Variants in DET1 observed in about 807,000 individuals in gnomAD.
DET1 encodes the protein DET1 homolog.
DET1 carries 22 observed loss-of-function variants against 43.7 expected under a neutral mutation model. The ratio of observed to expected loss-of-function variants is 0.50; its 90% CI spans 0.36 to 0.72. The LOEUF is 0.72. DET1 is among the 30% of genes least tolerant of loss of function. The probability of loss-of-function intolerance (pLI) is 0.00; values close to 1 mark genes in which losing one functional copy is unlikely to be tolerated. For missense variants in DET1, 713 were observed against 713.3 expected, an observed-to-expected ratio of 1.00 and a Z score of 0.00; for synonymous variants, 315 against 266.2, an observed-to-expected ratio of 1.18 and a Z score of -1.79.
At chr15:88,523,632 G>T (rs564981204) in intron 3 of DET1, among the ~76,000 whole-genome samples, 1 of 152,322 alleles carries the variant, frequency 6.6e-6, no homozygotes, top group African/African-American at 2.4e-5. Flanking sequence ...GCAGAGACGG[G>T]GTTTTGCTGT....
Position 88,530,714 on chromosome 15 carries a change from A to G in DET1, c.992T>C (p.Met331Thr). Reference protein sequence around the residue: ...QYFDQLRQLRMWKMQLLDENH... With the variant: ...QYFDQLRQLRTWKMQLLDENH... ...TTCATCCAGAAGCTGCATTTTCCAC[A>G]TTCGCAGCTGCCGCAGTTGGTCAAA... The change falls in exon 2 of 5, where the codon ATG (methionine) becomes ACG (threonine). Residue 331 changes from methionine to threonine, a missense_variant. Coordinates refer to ENST00000268148, the MANE Select transcript of DET1 (RefSeq NM_001144074.3). The G allele has an allele frequency of 6.2e-7, 1 of 1,614,008 alleles. No homozygotes were observed. The highest frequency in any genetic ancestry group is 8.5e-7 in the Non-Finnish European group (1 of 1,179,880).
At chr15:88,530,482 G>T in intron 2 of DET1, 141 bp downstream of exon 2, 1 of 1,389,416 alleles carries the variant, frequency 7.2e-7, no homozygotes, top group Non-Finnish European at 9.5e-7. Context: ...AAATGGAGCT[G>T]ATTTTAAGTT....
chr15:88,517,287 G>A (rs2056372525), intron 3 of DET1, among the ~76,000 whole-genome samples: 1 of 145,552 alleles, frequency 6.9e-6, no homozygotes. Flanking sequence ...GTACAGTGGT[G>A]TGATCTCAGC....
At chr15:88,536,523 T>A in intron 1 of DET1, 1 of 512,478 alleles carries the variant, frequency 2.0e-6, no homozygotes, top group Non-Finnish European at 3.4e-6. Context: ...CTCACGCCTG[T>A]AATACCAGCA....
At chr15:88,539,388 G>A (rs1178400987) in intron 1 of DET1, among the ~76,000 whole-genome samples, 1 of 151,152 alleles carries the variant, frequency 6.6e-6, no homozygotes, top group Admixed American at 6.6e-5. Flanking sequence ...TCCCCTCAGG[G>A]GAAGTGACCA....
At chr15:88,541,433 TTGTCTC>T (rs368176514) in intron 1 of DET1, among the ~76,000 whole-genome samples, 3,344 of 151,540 alleles carry the variant, frequency 0.022, 94 homozygotes, top group African/African-American at 0.076. Context: ...TCTCTATACT[TTGTCTC>T]TGTGTCTTTT....
rs1342334293 is a variant in DET1, at chr15:88,527,933, C to T, written c.1084-147G>A. On this transcript the variant is annotated intron_variant, in intron 2 of 4. Transcript: ENST00000268148. ...CAACAACAACAACAAGCAAACACCT[C>T]GGCTTTACCACTAAGGTGGAAACAT... is the stretch of plus-strand genomic sequence containing the variant. 2.5e-5 allele frequency: 14 copies of T among 549,080 alleles called. No individual in the cohort carries two copies. In the East Asian group the frequency reaches 3.6e-4, roughly 14 times the overall value. The allele number at this position is 549,080 out of a possible 1,614,324, so 34.0% of individuals were successfully genotyped here.
At chr15:88,525,363 TCTGAAGATCACTGAG>T (rs1338448255) in intron 3 of DET1, among the ~76,000 whole-genome samples, 1 of 152,236 alleles carries the variant, frequency 6.6e-6, no homozygotes, top group Non-Finnish European at 1.5e-5. Context: ...ACAGTAAAAT[TCTGAAGATCACTGAG>T]CTGGAATATA....
intron 3 of DET1, among the ~76,000 whole-genome samples, chr15:88,523,078 G>A (rs2056546173): frequency 6.6e-6 from 1 of 151,450 alleles, no homozygotes; most frequent in South Asian, 2.1e-4. Flanking sequence ...GACCAGCCAT[G>A]TTACCCAGGC....
intron 2 of DET1, among the ~76,000 whole-genome samples, chr15:88,528,049 C>G (rs961710410): frequency 1.3e-5 from 2 of 152,184 alleles, no homozygotes; most frequent in Non-Finnish European, 2.9e-5. Flanking sequence ...TGTATCTGTG[C>G]TGCTAGAATT....
Position 88,531,114 on chromosome 15 carries a change from G to A in DET1, c.592C>T (p.Leu198Phe). 6.2e-7 allele frequency: 1 copy of A among 1,614,002 alleles called. No individual in the cohort carries two copies. The highest frequency in any genetic ancestry group is 8.5e-7 in the Non-Finnish European group (1 of 1,179,890). ...LEDYSLHIID[L>F]HTGRLCDTRT... Reference sequence around the variant, plus strand: ...GTATCACATAAGCGGCCGGTGTGAAGGTCAATGATATGGAGGGAATAGTCT... The same window carrying A: ...GTATCACATAAGCGGCCGGTGTGAAAGTCAATGATATGGAGGGAATAGTCT... The change falls in exon 2 of 5, where the codon CTT (leucine) becomes TTT (phenylalanine). Residue 198 changes from leucine (L) to phenylalanine (F), a missense_variant. Physicochemically the swap from Leu to Phe is conservative, Grantham distance 22. Transcript: ENST00000268148. This position sits in a 1 kb window ranked among gnomAD's most constrained non-coding sequence, Gnocchi z 6.2.
chr15:88,536,669 G>A (rs1218351448), intron 1 of DET1, among the ~76,000 whole-genome samples: 1 of 149,986 alleles, frequency 6.7e-6, no homozygotes, highest in East Asian at 1.9e-4. Context: ...TACACAGGAG[G>A]CTGAGGCAGG....
At chr15:88,523,438 A>ACGGTCT (rs768291515) in intron 3 of DET1, among the ~76,000 whole-genome samples, 3 of 151,460 alleles carry the variant, frequency 2.0e-5, no homozygotes, top group Non-Finnish European at 4.4e-5. Context: ...TCCCCTTTCC[A>ACGGTCT]CGGTCTCCCT....
At chr15:88,526,111 G>A (rs993157159) in intron 3 of DET1, among the ~76,000 whole-genome samples, 33 of 152,196 alleles carry the variant, frequency 2.2e-4, no homozygotes, top group Non-Finnish European at 3.7e-4. Flanking sequence ...TAAGGCAGAA[G>A]ATTTGTGTGA....
At chr15:88,542,161 A>T (rs2057125319) in intron 1 of DET1, among the ~76,000 whole-genome samples, 1 of 151,876 alleles carries the variant, frequency 6.6e-6, no homozygotes, top group Admixed American at 6.6e-5. Context: ...GCTCCTTTTA[A>T]CTCTCTTTAC....
At chr15:88,535,496 C>T (rs2056925207) in intron 1 of DET1, among the ~76,000 whole-genome samples, 1 of 151,882 alleles carries the variant, frequency 6.6e-6, no homozygotes, top group Non-Finnish European at 1.5e-5. Context: ...TGGCACACAT[C>T]CATAATCCCA....
At chr15:88,508,728 T>C (rs2056167884), downstream of DET1, among the ~76,000 whole-genome samples, 2 of 152,058 alleles carry the variant, frequency 1.3e-5, no homozygotes, top group African/African-American at 2.4e-5. Flanking sequence ...TTGGAGTGGG[T>C]TGAGGAAATG....
At chr15:88,503,995 A>G in intron 7 of DET1, 1 of 148,768 alleles carries the variant, frequency 6.7e-6, no homozygotes, top group South Asian at 2.1e-4. Flanking sequence ...ACCCTGTCTT[A>G]AAAAAAAAAA....
Position 88,516,990 on chromosome 15 carries a change from G to C in DET1, c.1272-17C>G. The C allele has an allele frequency of 1.3e-6, 2 of 1,550,148 alleles. No individual in the cohort carries two copies. Among genetic ancestry groups the C allele is most frequent in the Non-Finnish European group, 1.7e-6 (2 of 1,151,350 alleles). On this transcript the variant is annotated splice_polypyrimidine_tract_variant and intron_variant, in intron 3 of 4. Coordinates refer to ENST00000268148, the MANE Select transcript of DET1 (RefSeq NM_001144074.3). The surrounding 1 kb of genome is among the most constrained non-coding windows in gnomAD (Gnocchi z 4.4). Reference sequence around the variant, plus strand: ...TCTTTGAACCTAAATGAAAGGACCGGTGAGGAAGGCTTTGTTAGTGAGTAC... The same window carrying C: ...TCTTTGAACCTAAATGAAAGGACCGCTGAGGAAGGCTTTGTTAGTGAGTAC...
Sources: gnomAD v4.1 joint callset for allele counts (sites outside exome capture counted in the v4.1 genomes callset) on GRCh38, gnomAD v4.1.1 for gene constraint, Gnocchi (gnomAD v3.1) non-coding constraint, MANE v1.5 for transcripts, NCBI Gene and HGNC (gene_info 2026-07-23, HGNC 2026-07-21) for gene names.